The following LRRTM4 variants were observed in gnomAD, a reference collection of about 807,000 sequenced individuals.
LRRTM4 encodes leucine rich repeat transmembrane neuronal 4, also known as leucine-rich repeat transmembrane neuronal protein 4.
In LRRTM4, 25 loss-of-function variants were observed where a neutral mutation model predicts 47.6. The ratio of observed to expected loss-of-function variants is 0.53; its 90% CI spans 0.38 to 0.73. The LOEUF (loss-of-function observed/expected upper bound fraction) is 0.73. LRRTM4 is among the 30% of genes least tolerant of loss of function. The probability of loss-of-function intolerance (pLI) is 0.00; values close to 1 mark genes in which losing one functional copy is unlikely to be tolerated. For missense variants in LRRTM4, 638 were observed against 713.4 expected (o/e 0.89, Z 1.20); for synonymous variants, 311 against 269.5 (o/e 1.15, Z -1.51).
intron 3 of LRRTM4, among the ~76,000 whole-genome samples, chr2:77,052,150 C>CTTTTTTTTTTTT (rs70939841): frequency 1.6e-5 from 1 of 63,598 alleles, no homozygotes; most frequent in African/African-American, 6.9e-5. Context: ...GTTACATTTC[C>CTTTTTTTTTTTT]TTTTTTTTTT....
chr2:76,904,912 C>A (rs1362144376), intron 3 of LRRTM4, among the ~76,000 whole-genome samples: 1 of 152,178 alleles, frequency 6.6e-6, no homozygotes, highest in East Asian at 1.9e-4. Context: ...CAAATAGGAA[C>A]AGCTTCGGTC....
Position 77,483,118 on chromosome 2 carries a change from C to CAAAAA in LRRTM4, c.1551+35195_1551+35199dup, listed in dbSNP as rs776265725. Among the ~76,000 whole-genome samples the CAAAAA allele has an allele frequency of 3.6e-4, 22 of 60,594 alleles. 4 individuals are homozygous for CAAAAA. In the East Asian group the frequency reaches 5.5e-3, roughly 15 times the overall value. 39.8% of individuals were successfully genotyped at this position (60,594 alleles called of 152,430 possible). On this transcript the variant is annotated intron_variant, in intron 3 of 3. Coordinates refer to ENST00000409884, the MANE Select transcript of LRRTM4 (RefSeq NM_001134745.3). ...CCTAGGAGGCAGAGCAAGACTGTCT[C>CAAAAA]AAAAAAAAAAAAAAAAAAAAAAAAA...
intron 3 of LRRTM4, among the ~76,000 whole-genome samples, chr2:77,430,243 T>A (rs983431263): frequency 6.6e-6 from 1 of 152,198 alleles, no homozygotes; most frequent in African/African-American, 2.4e-5. Context: ...CTTTAAAACA[T>A]CATGTTGTAC....
At chr2:76,943,363 G>C (rs1284413716) in intron 3 of LRRTM4, among the ~76,000 whole-genome samples, 2 of 152,142 alleles carry the variant, frequency 1.3e-5, no homozygotes, top group South Asian at 4.1e-4. Flanking sequence ...GTGAACCCGG[G>C]AGGCAGAGCT....
intron 3 of LRRTM4, among the ~76,000 whole-genome samples, chr2:76,868,792 G>A (rs759651528): frequency 2.6e-5 from 4 of 152,130 alleles, no homozygotes; most frequent in Admixed American, 6.6e-5. Flanking sequence ...ACATGAAGTC[G>A]ATCTGTGATT....
At chr2:77,003,088 G>T (rs1273034669) in intron 3 of LRRTM4, among the ~76,000 whole-genome samples, 1 of 151,796 alleles carries the variant, frequency 6.6e-6, no homozygotes, top group Non-Finnish European at 1.5e-5. Context: ...ATTTTTTTAT[G>T]TGTAGTTTTT....
chr2:77,165,087 T>C (rs779862978), intron 3 of LRRTM4, among the ~76,000 whole-genome samples: 1 of 151,112 alleles, frequency 6.6e-6, no homozygotes, highest in Non-Finnish European at 1.5e-5. Flanking sequence ...AAGAAGAAAA[T>C]AGAGAAGAAT....
intron 3 of LRRTM4, among the ~76,000 whole-genome samples, chr2:77,036,079 A>T (rs1247647805): frequency 6.6e-6 from 1 of 151,864 alleles, no homozygotes; most frequent in Admixed American, 6.6e-5. Flanking sequence ...ATACAAATTG[A>T]TAACTTATGC....
intron 3 of LRRTM4, among the ~76,000 whole-genome samples, chr2:77,148,998 G>A (rs952659260): frequency 6.6e-6 from 1 of 152,002 alleles, no homozygotes; most frequent in Non-Finnish European, 1.5e-5. Flanking sequence ...ATCTTAATCT[G>A]CAGTCCAAAA....
At chr2:76,778,555 T>G (rs924495263) in intron 3 of LRRTM4, among the ~76,000 whole-genome samples, 3 of 151,872 alleles carry the variant, frequency 2.0e-5, no homozygotes, top group African/African-American at 7.3e-5. Flanking sequence ...CGTAGAGGTG[T>G]TTGTAGTATT....
chr2:77,047,297 A>G (rs2103759169), intron 3 of LRRTM4, among the ~76,000 whole-genome samples: 1 of 152,180 alleles, frequency 6.6e-6, no homozygotes, highest in Admixed American at 6.6e-5. Flanking sequence ...CCTCAGCAGA[A>G]TCCTTAAGGA....
chr2:76,776,323 G>A (rs535065388), intron 3 of LRRTM4, among the ~76,000 whole-genome samples: 27 of 152,246 alleles, frequency 1.8e-4, no homozygotes, highest in African/African-American at 6.0e-4. Context: ...GATCCCTGAG[G>A]AATCGCCACA....
rs142294442 is a variant in LRRTM4, at chr2:76,787,876, C to T, written c.1552-38960G>A. ...AGGCAAATTTGTGCTCCTTTGACTT[C>T]TCTGAGCCAATTAGAATATCTGCCT... On this transcript the variant is annotated intron_variant, in intron 3 of 3. Coordinates refer to ENST00000409884, the MANE Select transcript of LRRTM4 (RefSeq NM_001134745.3). Among the ~76,000 whole-genome samples, 1,054 of 152,218 alleles carry T rather than the reference C, an allele frequency of 6.9e-3. 7 individuals are homozygous for T. The highest frequency in any genetic ancestry group is 8.3e-3 in the Non-Finnish European group (564 of 67,992).
chr2:77,355,458 T>C lies in LRRTM4; in HGVS notation c.1551+162860A>G, dbSNP rs187688094. ...GAAAAAGTTATTTCCTATGCCAAAA[T>C]GATTCATTCTTACTAATCACCGGTT... On this transcript the variant is annotated intron_variant, in intron 3 of 3. Coordinates refer to ENST00000409884, the MANE Select transcript of LRRTM4 (RefSeq NM_001134745.3). Among the ~76,000 whole-genome samples the C allele has an allele frequency of 1.1e-3, 172 of 152,256 alleles. 1 individual carries two copies. Among genetic ancestry groups the C allele is most frequent in the Middle Eastern group, 0.01 (3 of 294 alleles).
chr2:77,046,433 C>T (rs1358916524), intron 3 of LRRTM4, among the ~76,000 whole-genome samples: 2 of 151,998 alleles, frequency 1.3e-5, no homozygotes, highest in African/African-American at 4.8e-5. Context: ...GTGTCAGCCA[C>T]TATGCTCTAT....
chr2:76,762,547 T>C (rs890096041), intron 3 of LRRTM4, among the ~76,000 whole-genome samples: 2 of 152,226 alleles, frequency 1.3e-5, no homozygotes, highest in African/African-American at 4.8e-5. Flanking sequence ...GTGGCTTCTA[T>C]ATGGAAACTC....
chr2:76,957,439 C>T (rs1675711197), intron 3 of LRRTM4, among the ~76,000 whole-genome samples: 1 of 151,668 alleles, frequency 6.6e-6, no homozygotes. Flanking sequence ...TTAGATATCT[C>T]ACAAATAATT....
intron 3 of LRRTM4, among the ~76,000 whole-genome samples, chr2:76,912,284 A>G (rs1421126673): frequency 1.3e-5 from 2 of 152,164 alleles, no homozygotes; most frequent in Admixed American, 1.3e-4. Flanking sequence ...AAATTTTATA[A>G]CCTGTTTTCG....
At chr2:77,037,599 C>G (rs1678879921) in intron 3 of LRRTM4, among the ~76,000 whole-genome samples, 1 of 151,674 alleles carries the variant, frequency 6.6e-6, no homozygotes, top group Non-Finnish European at 1.5e-5. Flanking sequence ...CATTGTGTCT[C>G]ATGCAAATAG....
Sources: gnomAD v4.1 joint callset for allele counts (sites outside exome capture counted in the v4.1 genomes callset) on GRCh38, gnomAD v4.1.1 for gene constraint, MANE v1.5 for transcripts, NCBI Gene and HGNC (gene_info 2026-07-23, HGNC 2026-07-21) for gene names.